Variants in RBMS1 observed in about 807,000 individuals in gnomAD.
RBMS1 encodes the protein RNA binding motif single stranded interacting protein 1, also known as RNA-binding motif, single-stranded-interacting protein 1.
RBMS1 carries 17 observed loss-of-function variants against 62.3 expected under a neutral mutation model. That is an observed-to-expected ratio of 0.27 (90% CI 0.19 to 0.41). RBMS1 has a LOEUF of 0.41. Ranked by LOEUF, RBMS1 falls within the 10% of genes least tolerant of loss-of-function variation. RBMS1 has a pLI of 1.00. For missense variants in RBMS1, 334 were observed against 504.5 expected (o/e 0.66, Z 3.24); for synonymous variants, 172 against 170.0 (o/e 1.01, Z -0.09).
At chr2:160,438,570 T>C (rs1001871065) in intron 1 of RBMS1, among the ~76,000 whole-genome samples, 1 of 152,166 alleles carries the variant, frequency 6.6e-6, no homozygotes, top group African/African-American at 2.4e-5. Flanking sequence ...GAGCACAGGA[T>C]TGGGGATAAG....
At chr2:160,370,888 T>A (rs1693689320) in intron 1 of RBMS1, among the ~76,000 whole-genome samples, 1 of 150,688 alleles carries the variant, frequency 6.6e-6, no homozygotes, top group Admixed American at 6.6e-5. Context: ...AAAGGTGCCT[T>A]TAAGTTGACT....
At chr2:160,359,665 G>T (rs1362712985) in intron 2 of RBMS1, among the ~76,000 whole-genome samples, 2 of 152,142 alleles carry the variant, frequency 1.3e-5, no homozygotes, top group African/African-American at 4.8e-5. Context: ...AATGTTGAAG[G>T]TAACTTCATA....
At chr2:160,283,192 C>T (rs1205980790) in intron 9 of RBMS1, 1 of 152,210 alleles carries the variant, frequency 6.6e-6, no homozygotes, top group African/African-American at 2.4e-5. Flanking sequence ...TTAATACTTA[C>T]AACCTTTCAT....
chr2:160,456,123 T>C (rs537578824), intron 1 of RBMS1, among the ~76,000 whole-genome samples: 1 of 152,184 alleles, frequency 6.6e-6, no homozygotes, highest in East Asian at 1.9e-4. Context: ...GTGGAACTAA[T>C]AATTTCAGGA....
chr2:160,397,121 G>A (rs1165525356), intron 1 of RBMS1, among the ~76,000 whole-genome samples: 1 of 151,926 alleles, frequency 6.6e-6, no homozygotes, highest in Non-Finnish European at 1.5e-5. Flanking sequence ...GGAGGGTCAG[G>A]ATACCATGCC....
chr2:160,481,122 C>T (rs1685352884), intron 1 of RBMS1, among the ~76,000 whole-genome samples: 1 of 144,594 alleles, frequency 6.9e-6, no homozygotes, highest in African/African-American at 2.5e-5. Flanking sequence ...AGAAGAACCA[C>T]ACAAACATGT....
At chr2:160,334,716 C>T (rs537464485) in intron 2 of RBMS1, among the ~76,000 whole-genome samples, 18 of 152,176 alleles carry the variant, frequency 1.2e-4, no homozygotes, top group African/African-American at 4.3e-4. Context: ...GGAAATAATG[C>T]AACACAGCCC....
At chr2:160,337,243 C>T (rs1691631112) in intron 2 of RBMS1, among the ~76,000 whole-genome samples, 1 of 151,438 alleles carries the variant, frequency 6.6e-6, no homozygotes, top group South Asian at 2.1e-4. Flanking sequence ...AAGCGATCCT[C>T]CTGCCTCAGC....
At chr2:160,389,616 T>A (rs548008022) in intron 1 of RBMS1, among the ~76,000 whole-genome samples, 31 of 143,458 alleles carry the variant, frequency 2.2e-4, no homozygotes, top group African/African-American at 8.1e-4. Context: ...GAGAATCGCT[T>A]GAACCCAGGA....
In RBMS1 at chr2:160,284,725, T is replaced by C. The variant is rs189544436; in HGVS notation, c.900+50A>G. The C allele has an allele frequency of 2.8e-4, 373 of 1,332,116 alleles. 1 individual carries two copies. In the African/African-American group the frequency reaches 4.3e-3, roughly 15 times the overall value. The allele number at this position is 1,332,116 out of a possible 1,614,324, so 82.5% of individuals were successfully genotyped here. On this transcript the variant is annotated intron_variant, in intron 9 of 13. Coordinates refer to ENST00000348849, the MANE Select transcript of RBMS1 (RefSeq NM_016836.4). The stretch of plus-strand genomic sequence containing the variant: ...AAGACACATAAAAATGTAGCAGAGA[T>C]TCATGGTCCGCAAGTGGTTATACTG...
chr2:160,371,654 C>A (rs116608759), intron 1 of RBMS1, among the ~76,000 whole-genome samples: 1,711 of 152,324 alleles, frequency 0.011, 39 homozygotes, highest in African/African-American at 0.037. Flanking sequence ...AGACCCTCAG[C>A]CTTTCCTGCA....
At chr2:160,407,581 A>T (rs1399597344) in intron 1 of RBMS1, 1 of 981,662 alleles carries the variant, frequency 1.0e-6, no homozygotes, top group Non-Finnish European at 1.2e-6. Flanking sequence ...GGCGCGGGGC[A>T]GCCTCGCCGC....
At chr2:160,286,477 G>A (rs1021372538) in intron 7 of RBMS1, among the ~76,000 whole-genome samples, 5 of 151,784 alleles carry the variant, frequency 3.3e-5, no homozygotes, top group East Asian at 2.0e-4. Context: ...GGACCACCAC[G>A]CAGGGCTAAT....
chr2:160,356,461 AGG>A (rs1692808279), intron 2 of RBMS1, among the ~76,000 whole-genome samples: 1 of 152,096 alleles, frequency 6.6e-6, no homozygotes, highest in Non-Finnish European at 1.5e-5. Flanking sequence ...GGTGCTGATG[AGG>A]TAAAGAGGAA....
intron 1 of RBMS1, among the ~76,000 whole-genome samples, chr2:160,378,738 G>T (rs1482868063): frequency 6.6e-6 from 1 of 152,020 alleles, no homozygotes; most frequent in Non-Finnish European, 1.5e-5. Context: ...CCTACCCATG[G>T]TCATGTCTCC....
intron 7 of RBMS1, among the ~76,000 whole-genome samples, chr2:160,285,844 G>A (rs1261162691): frequency 2.0e-5 from 3 of 152,000 alleles, no homozygotes; most frequent in Non-Finnish European, 4.4e-5. Context: ...GAGCACGATG[G>A]TTCACGCCTG....
Position 160,278,652 on chromosome 2 carries a change from C to A in RBMS1, c.958G>T (p.Val320Leu). ...QPYILQHPGA[V>L]LTPSMEHTMS... ...GTGTGCTCCATTGAGGGAGTTAACA[C>A]GGCACCCTGGGGAGTTGGAGACAGG... The change falls in exon 11 of 14, where the codon GTG becomes TTG. Residue 320 changes from valine to leucine, a missense_variant. Around this residue, in one of 3 missense-constraint regions of RBMS1, gnomAD observed 182 missense variants for 257.7 expected, o/e 0.71. Transcript: ENST00000348849. The A allele has an allele frequency of 1.2e-6, 2 of 1,610,640 alleles. No homozygotes were observed. The highest frequency in any genetic ancestry group is 1.7e-6 in the Non-Finnish European group (2 of 1,178,132).
At chr2:160,310,200 A>C (rs950125640) in intron 4 of RBMS1, among the ~76,000 whole-genome samples, 5 of 152,204 alleles carry the variant, frequency 3.3e-5, no homozygotes, top group African/African-American at 1.2e-4. Flanking sequence ...AATGTAACTA[A>C]ATACACTCAT....
At chr2:160,373,407 A>C (rs1474881602) in intron 1 of RBMS1, among the ~76,000 whole-genome samples, 1 of 152,214 alleles carries the variant, frequency 6.6e-6, no homozygotes, top group African/African-American at 2.4e-5. Context: ...ATTTCCTTCC[A>C]GATCCCATCA....
Sources: allele counts gnomAD v4.1 joint callset (sites outside exome capture counted in the v4.1 genomes callset), GRCh38; gene constraint gnomAD v4.1.1; regional missense constraint gnomAD v4.1.1; transcripts MANE v1.5; gene names NCBI Gene and HGNC (gene_info 2026-07-23, HGNC 2026-07-21).